The following PLXNA2 variants were observed in gnomAD, a reference collection of about 807,000 sequenced individuals.
PLXNA2 encodes plexin A2, also known as plexin-A2.
A neutral mutation model predicts 193.5 loss-of-function variants in PLXNA2; 91 were observed. The observed-to-expected ratio is 0.47, with a 90% CI of 0.40 to 0.56. The LOEUF (loss-of-function observed/expected upper bound fraction) is 0.56. PLXNA2 is among the 20% of genes least tolerant of loss of function. PLXNA2 has a pLI of 0.00. For synonymous variants in PLXNA2, 997 were observed against 1,027.3 expected (o/e 0.97, Z 0.56); for missense variants, 1,995 against 2,503.2 (o/e 0.80, Z 4.33).
At chr1:208,100,651 T>G (rs1667065008) in intron 5 of PLXNA2, among the ~76,000 whole-genome samples, 1 of 152,234 alleles carries the variant, frequency 6.6e-6, no homozygotes, top group Non-Finnish European at 1.5e-5. Context: ...CATTGGGATA[T>G]TCTACCTGTC....
intron 22 of PLXNA2, among the ~76,000 whole-genome samples, chr1:208,041,686 C>T (rs796202606): frequency 1.3e-4 from 20 of 152,318 alleles, no homozygotes; most frequent in African/African-American, 4.8e-4. Context: ...CTACCTGTGG[C>T]TAGGGGCCGC....
chr1:208,090,961 C>A (rs1048732640), intron 9 of PLXNA2, among the ~76,000 whole-genome samples: 1 of 152,220 alleles, frequency 6.6e-6, no homozygotes, highest in African/African-American at 2.4e-5. Flanking sequence ...CCTCTCCCTG[C>A]AGCTCTGTGT....
chr1:208,149,718 T>G (rs1228677718), intron 3 of PLXNA2, among the ~76,000 whole-genome samples: 1 of 152,014 alleles, frequency 6.6e-6, no homozygotes, highest in Non-Finnish European at 1.5e-5. Context: ...GAGAGAAGAT[T>G]CAAGCTGAAG....
At chr1:208,231,721 G>GC (rs1671698836) in intron 1 of PLXNA2, among the ~76,000 whole-genome samples, 1 of 152,196 alleles carries the variant, frequency 6.6e-6, no homozygotes, top group Non-Finnish European at 1.5e-5. Context: ...AGCAGCATAC[G>GC]CATCACCAGT....
intron 1 of PLXNA2, among the ~76,000 whole-genome samples, chr1:208,221,383 T>G (rs1671330315): frequency 4.8e-5 from 1 of 20,788 alleles, no homozygotes; most frequent in South Asian, 8.1e-4. Context: ...CTTTTTCTGT[T>G]TTTTTTTTTT....
At chr1:208,140,815 T>C (rs1668436380) in intron 4 of PLXNA2, among the ~76,000 whole-genome samples, 1 of 152,262 alleles carries the variant, frequency 6.6e-6, no homozygotes, top group Admixed American at 6.5e-5. Context: ...CTGATGTTAT[T>C]AGGCTATTTG....
intron 12 of PLXNA2, among the ~76,000 whole-genome samples, chr1:208,069,097 A>G (rs914182916): frequency 1.3e-5 from 2 of 152,206 alleles, no homozygotes; most frequent in Admixed American, 1.3e-4. Flanking sequence ...AGTCCTGGCC[A>G]TGCACTTCTT....
intron 17 of PLXNA2, among the ~76,000 whole-genome samples, chr1:208,049,763 C>T (rs1385825851): frequency 6.6e-6 from 1 of 152,162 alleles, no homozygotes; most frequent in Non-Finnish European, 1.5e-5. Context: ...TATATCTAAC[C>T]TTCTAACACT....
intron 5 of PLXNA2, among the ~76,000 whole-genome samples, chr1:208,102,839 C>G: frequency 6.6e-6 from 1 of 152,170 alleles, no homozygotes. Context: ...TTGGGGAAAC[C>G]TAAAGACTAC....
intron 5 of PLXNA2, among the ~76,000 whole-genome samples, chr1:208,099,446 A>G (rs1667021249): frequency 6.6e-6 from 1 of 152,214 alleles, no homozygotes; most frequent in Non-Finnish European, 1.5e-5. Flanking sequence ...GTAAAGTTAC[A>G]AAGTCATTTA....
chr1:208,130,822 C>G lies in PLXNA2; in HGVS notation c.1506+11507G>C, dbSNP rs77530426. Among the ~76,000 whole-genome samples the G allele has an allele frequency of 2.6e-3, 394 of 152,336 alleles. 2 individuals are homozygous for G. The highest frequency in any genetic ancestry group is 4.8e-3 in the Non-Finnish European group (326 of 68,046). ...CCCTAGGATCAACCCCATTGAGAAA[C>G]CTTATCTGACAGACAGCATGTGCCA... is the stretch of plus-strand genomic sequence containing the variant. On this transcript the variant is annotated intron_variant, in intron 4 of 31. Transcript: ENST00000367033.
chr1:208,076,942 G>T (rs774474866), intron 12 of PLXNA2, among the ~76,000 whole-genome samples: 1 of 151,924 alleles, frequency 6.6e-6, no homozygotes, highest in Non-Finnish European at 1.5e-5. Flanking sequence ...TACTATTTTT[G>T]TACCTTTTTA....
Position 208,046,051 on chromosome 1 carries a change from G to A in PLXNA2, c.3322C>T (p.Pro1108Ser). 1 of 1,614,250 alleles carries A rather than the reference G, an allele frequency of 6.2e-7. No homozygotes were observed. The highest frequency in any genetic ancestry group is 8.5e-7 in the Non-Finnish European group (1 of 1,180,048). The change falls in exon 18 of 32, where the codon CCT (proline) becomes TCT (serine). Residue 1108 changes from proline to serine, a missense_variant. This residue lies in a region of PLXNA2 where 1,291 missense variants were observed against 1,673.6 expected (regional missense o/e 0.77). Coordinates refer to ENST00000367033, the MANE Select transcript of PLXNA2 (RefSeq NM_025179.4). ...GGGCGTTCCACAGTGTCCAGGCCAG[G>A]GCGGTAGTCCGTGGTCAGAGAGGGT... Reference protein sequence around the residue: ...LAPSLTTDYRPGLDTVERPDE... With the variant: ...LAPSLTTDYRSGLDTVERPDE...
intron 14 of PLXNA2, among the ~76,000 whole-genome samples, 170 bp from the exon 15 acceptor site, chr1:208,052,633 T>A (rs1279286712): frequency 6.6e-6 from 1 of 152,120 alleles, no homozygotes; most frequent in African/African-American, 2.4e-5. Flanking sequence ...TGAGACTCTT[T>A]CTAAGAATCA....
In PLXNA2 at chr1:208,034,532, C is replaced by T. The variant is rs775522018; in HGVS notation, c.4825G>A (p.Ala1609Thr). The part of the protein sequence containing the change: ...PKQTSSYNIP[A>T]SASISRTSIS... ...GACGTCCGGGAGATGCTGGCAGAGG[C>T]AGGGATGTTGTAGGAGGAGGTCTGT... is the stretch of plus-strand genomic sequence containing the variant. The change falls in exon 27 of 32, where the codon GCC becomes ACC. Residue 1609 changes from alanine (A) to threonine (T), a missense_variant. This residue lies in a region of PLXNA2 where 1,291 missense variants were observed against 1,673.6 expected (regional missense o/e 0.77). Transcript: ENST00000367033. 1.2e-6 allele frequency: 2 copies of T among 1,614,024 alleles called. No individual in the cohort carries two copies. Among genetic ancestry groups the T allele is most frequent in the Non-Finnish European group, 1.7e-6 (2 of 1,179,904 alleles).
intron 11 of PLXNA2, among the ~76,000 whole-genome samples, chr1:208,080,156 C>G (rs1666289214): frequency 6.6e-6 from 1 of 152,020 alleles, no homozygotes; most frequent in Non-Finnish European, 1.5e-5. Flanking sequence ...CGGGAGTCAG[C>G]TTGGGGTTAA....
At chr1:208,151,338 G>A (rs556488962) in intron 3 of PLXNA2, among the ~76,000 whole-genome samples, 4 of 152,276 alleles carry the variant, frequency 2.6e-5, no homozygotes, top group African/African-American at 9.6e-5. Context: ...TCCTTTCCTG[G>A]AGATGCCCTG....
chr1:208,160,503 A>G (rs1483580437), intron 3 of PLXNA2, among the ~76,000 whole-genome samples: 1 of 152,244 alleles, frequency 6.6e-6, no homozygotes, highest in Non-Finnish European at 1.5e-5. Flanking sequence ...CTGATACTCA[A>G]CAGCATCTCA....
intron 4 of PLXNA2, among the ~76,000 whole-genome samples, chr1:208,112,828 A>C (rs1455786839): frequency 6.6e-6 from 1 of 152,142 alleles, no homozygotes; most frequent in Non-Finnish European, 1.5e-5. Flanking sequence ...CAGCGTGCTA[A>C]GGATAGAGGT....
Sources: gnomAD v4.1 joint callset for allele counts (sites outside exome capture counted in the v4.1 genomes callset) on GRCh38, gnomAD v4.1.1 for gene constraint, gnomAD v4.1.1 regional missense constraint, MANE v1.5 for transcripts, NCBI Gene and HGNC (gene_info 2026-07-23, HGNC 2026-07-21) for gene names.